The following CYFIP1 variants were observed in gnomAD, a reference collection of about 807,000 sequenced individuals.
The protein encoded by CYFIP1 is cytoplasmic FMR1 interacting protein 1, also known as cytoplasmic FMR1-interacting protein 1.
Under a neutral mutation model 163.5 loss-of-function variants are expected in CYFIP1, and 58 were observed. The ratio of observed to expected loss-of-function variants is 0.35; its 90% CI spans 0.29 to 0.44. The LOEUF (loss-of-function observed/expected upper bound fraction) is 0.44. CYFIP1 is among the 20% of genes least tolerant of loss of function. The pLI, the probability that CYFIP1 is intolerant of heterozygous loss-of-function variation, is 1.00. For synonymous variants in CYFIP1, 663 were observed against 660.7 expected, an observed-to-expected ratio of 1.00 and a Z score of -0.05; for missense variants, 1,338 against 1,653.8, an observed-to-expected ratio of 0.81 and a Z score of 3.31.
chr15:22,966,732 G>A (rs2062922230), intron 1 of CYFIP1, among the ~76,000 whole-genome samples: 1 of 146,706 alleles, frequency 6.8e-6, no homozygotes, highest in African/African-American at 2.5e-5. Context: ...CTGCACCCAT[G>A]ACAGCCCACC....
At chr15:22,953,860 C>T (rs546746555) in intron 1 of CYFIP1, among the ~76,000 whole-genome samples, 43 of 152,234 alleles carry the variant, frequency 2.8e-4, no homozygotes, top group Non-Finnish European at 4.9e-4. Context: ...TCGAGACCAT[C>T]CTGGCTAATA....
chr15:22,867,117 G>T lies in CYFIP1; in HGVS notation c.*2911C>A, dbSNP rs2059148705. ...TTCATCCCTTCTCCAAAAGCCGAAT[G>T]CACTAATGACAGTTTTAAGTCTATG... is the stretch of plus-strand genomic sequence containing the variant. On this transcript the variant is annotated 3_prime_UTR_variant, in exon 31 of 31. Transcript: ENST00000617928. The T allele has an allele frequency of 4.1e-6, 2 of 483,788 alleles. No homozygotes were observed. Among genetic ancestry groups the T allele is most frequent in the Non-Finnish European group, 7.2e-6 (2 of 277,716 alleles). 30.0% of individuals were successfully genotyped at this position (483,788 alleles called of 1,614,324 possible).
intron 22 of CYFIP1, among the ~76,000 whole-genome samples, chr15:22,899,079 C>A (rs141757733): frequency 0.012 from 1,898 of 152,102 alleles, 39 homozygotes; most frequent in African/African-American, 0.043. Context: ...CTCAAGAGAT[C>A]TTCCTGCCTT....
At chr15:22,958,835 G>A (rs1229731500) in intron 1 of CYFIP1, among the ~76,000 whole-genome samples, 1 of 152,222 alleles carries the variant, frequency 6.6e-6, no homozygotes, top group Non-Finnish European at 1.5e-5. Flanking sequence ...GCAAGGGAGA[G>A]CAGTTCTGTC....
At chr15:22,918,535 T>C (rs1253184370) in intron 14 of CYFIP1, among the ~76,000 whole-genome samples, 157 bp downstream of exon 14, 1 of 152,194 alleles carries the variant, frequency 6.6e-6, no homozygotes, top group Non-Finnish European at 1.5e-5. Flanking sequence ...ATTGGACCCA[T>C]GCATTACTTT....
chr15:22,930,889 C>G (rs1370615873), intron 11 of CYFIP1, among the ~76,000 whole-genome samples: 1 of 152,184 alleles, frequency 6.6e-6, no homozygotes, highest in African/African-American at 2.4e-5. Context: ...CCTAAGCACA[C>G]AGTGTTCATA....
At chr15:22,967,183 C>T (rs2062941655) in intron 1 of CYFIP1, among the ~76,000 whole-genome samples, 1 of 152,206 alleles carries the variant, frequency 6.6e-6, no homozygotes, top group African/African-American at 2.4e-5. Flanking sequence ...CCTATCGCCC[C>T]TTCCCAGGAG....
At chr15:22,901,165 T>G (rs2060381266) in intron 22 of CYFIP1, among the ~76,000 whole-genome samples, 1 of 150,502 alleles carries the variant, frequency 6.6e-6, no homozygotes, top group Admixed American at 6.6e-5. Flanking sequence ...ATCACACCAC[T>G]GCACTCCAGC....
At chr15:22,967,349 G>A (rs555422849) in intron 1 of CYFIP1, among the ~76,000 whole-genome samples, 26 of 152,314 alleles carry the variant, frequency 1.7e-4, no homozygotes, top group African/African-American at 3.8e-4. Context: ...TTCAGAGCAC[G>A]CTCCCAGATC....
intron 5 of CYFIP1, 113 bp from the exon 6 acceptor site, chr15:22,943,467 G>T: frequency 8.3e-7 from 1 of 1,198,692 alleles, no homozygotes; most frequent in Non-Finnish European, 1.2e-6. Context: ...GATCTGCCCA[G>T]TGAGGCTCCA....
In CYFIP1 at chr15:22,881,709, C is replaced by T. The variant is rs2059768398; in HGVS notation, c.2911+137G>A. ...AGACAGTGACCCCAACACACCTCTT[C>T]CTGGTTGTAAGGTGCATTTGTCTGT... On this transcript the variant is annotated intron_variant, in intron 25 of 30. Transcript: ENST00000617928. 6.4e-6 allele frequency: 5 copies of T among 783,296 alleles called. 1 individual carries two copies. The South Asian group carries it at 6.7e-5, about 11-fold the overall frequency. 48.5% of individuals were successfully genotyped at this position (783,296 alleles called of 1,614,324 possible).
Position 22,917,031 on chromosome 15 carries a change from T to C in CYFIP1, c.1675-401A>G, listed in dbSNP as rs2061010287. 3 of 1,539,526 alleles carry C rather than the reference T, an allele frequency of 1.9e-6. No individual in the cohort carries two copies. Among genetic ancestry groups the C allele is most frequent in the Non-Finnish European group, 1.8e-6 (2 of 1,141,384 alleles). On this transcript the variant is annotated intron_variant, in intron 15 of 30. Transcript: ENST00000617928. This position sits in a 1 kb window ranked among gnomAD's most constrained non-coding sequence, Gnocchi z 4.2. Reference sequence around the variant, plus strand: ...GGCCATGGTGCGCACCAGGTAGAGCTAGACACGGACAGACAGGAGGGAGAG... The same window carrying C: ...GGCCATGGTGCGCACCAGGTAGAGCCAGACACGGACAGACAGGAGGGAGAG...
intron 22 of CYFIP1, among the ~76,000 whole-genome samples, chr15:22,902,689 C>CTGAA (rs1299391163): frequency 6.6e-6 from 1 of 152,204 alleles, no homozygotes; most frequent in Non-Finnish European, 1.5e-5. Flanking sequence ...GCCCCCTGAG[C>CTGAA]TGAAAAGCCA....
chr15:22,971,075 C>T (rs1289232440), intron 1 of CYFIP1, among the ~76,000 whole-genome samples: 1 of 150,746 alleles, frequency 6.6e-6, no homozygotes, highest in Non-Finnish European at 1.5e-5. Context: ...GGATCTGTCT[C>T]GAAAAAAAAC....
At chr15:22,962,794 T>G (rs1199968735) in intron 1 of CYFIP1, among the ~76,000 whole-genome samples, 2 of 152,186 alleles carry the variant, frequency 1.3e-5, no homozygotes, top group Non-Finnish European at 2.9e-5. Flanking sequence ...CTATTCATAC[T>G]GTGCCCACTG....
At chr15:22,909,049 C>T (rs889633900) in intron 21 of CYFIP1, 145 bp downstream of exon 21, 43 of 1,034,668 alleles carry the variant, frequency 4.2e-5, no homozygotes, top group Non-Finnish European at 5.2e-5. Context: ...GTATAGGCCA[C>T]GCCCAGTGAG....
chr15:22,925,787 T>C (rs1256629769), intron 13 of CYFIP1, among the ~76,000 whole-genome samples, 195 bp downstream of exon 13: 1 of 152,088 alleles, frequency 6.6e-6, no homozygotes, highest in Admixed American at 6.5e-5. Context: ...CCCAGGGAGC[T>C]TCAGTGCAGA....
intron 21 of CYFIP1, among the ~76,000 whole-genome samples, chr15:22,906,860 G>C (rs141935389): frequency 2.1e-4 from 32 of 152,268 alleles, no homozygotes; most frequent in African/African-American, 7.0e-4. Flanking sequence ...TGCCTCCACT[G>C]TCTGTAGGGA....
rs568467453 is a variant in CYFIP1, at chr15:22,973,736, C to T, written c.-7+6551G>A. The stretch of plus-strand genomic sequence containing the variant: ...GGGATTACATCAAACTAAAAATGTT[C>T]TGCACAGCAAAGGAATCAATCAACA... On this transcript the variant is annotated intron_variant, in intron 1 of 30. Transcript: ENST00000617928. Among the ~76,000 whole-genome samples the T allele has an allele frequency of 1.2e-4, 19 of 152,238 alleles. No individual in the cohort carries two copies. The East Asian group carries it at 3.7e-3, about 29-fold the overall frequency.
Sources: allele counts gnomAD v4.1 joint callset (sites outside exome capture counted in the v4.1 genomes callset), GRCh38; gene constraint gnomAD v4.1.1; non-coding constraint Gnocchi (gnomAD v3.1); transcripts MANE v1.5; gene names NCBI Gene and HGNC (gene_info 2026-07-23, HGNC 2026-07-21).